The following ADAMTSL1 variants were observed in gnomAD, a reference collection of about 807,000 sequenced individuals.
The protein encoded by ADAMTSL1 is ADAMTS-like protein 1.
ADAMTSL1 carries 126 observed loss-of-function variants against 201.8 expected under a neutral mutation model. That is an observed-to-expected ratio of 0.62 (90% CI 0.54 to 0.72). The LOEUF (loss-of-function observed/expected upper bound fraction) is 0.72, where lower values mean the gene tolerates loss of function less well. Among genes scored for constraint, ADAMTSL1 ranks in the 30% least tolerant of loss-of-function variants. The pLI is 0.00. For synonymous variants in ADAMTSL1, 1,121 were observed against 903.4 expected (o/e 1.24, Z -4.32); for missense variants, 2,679 against 2,277.8 (o/e 1.18, Z -3.59).
intron 21 of ADAMTSL1, among the ~76,000 whole-genome samples, chr9:18,823,216 T>G (rs1183735510): frequency 6.6e-6 from 1 of 152,164 alleles, no homozygotes; most frequent in African/African-American, 2.4e-5. Flanking sequence ...GCCAGTAGAT[T>G]AAAGAATGAT....
chr9:18,871,190 T>G (rs1474899030), intron 23 of ADAMTSL1, among the ~76,000 whole-genome samples: 1 of 152,230 alleles, frequency 6.6e-6, no homozygotes, highest in African/African-American at 2.4e-5. Flanking sequence ...CCTTCTATAT[T>G]ACCAGAGGTG....
chr9:18,528,141 G>A (rs917691361), intron 2 of ADAMTSL1, among the ~76,000 whole-genome samples: 3 of 152,158 alleles, frequency 2.0e-5, no homozygotes, highest in Non-Finnish European at 4.4e-5. Flanking sequence ...GCCGCCCAAA[G>A]TGCTGGGATT....
At chr9:18,740,743 C>A (rs2133547065) in intron 15 of ADAMTSL1, among the ~76,000 whole-genome samples, 1 of 152,228 alleles carries the variant, frequency 6.6e-6, no homozygotes, top group Admixed American at 6.5e-5. Flanking sequence ...TCCCAAATTG[C>A]TAGTATTACA....
At chr9:18,087,728 T>A (rs1269559569) in intron 1 of ADAMTSL1, among the ~76,000 whole-genome samples, 1 of 152,194 alleles carries the variant, frequency 6.6e-6, no homozygotes, top group Admixed American at 6.5e-5. Context: ...ATGATTTTTC[T>A]GTAAAAAGAA....
At chr9:18,335,409 A>G (rs1428586538) in intron 2 of ADAMTSL1, among the ~76,000 whole-genome samples, 1 of 152,110 alleles carries the variant, frequency 6.6e-6, no homozygotes, top group South Asian at 2.1e-4. Flanking sequence ...TTTACCAACA[A>G]CCAACCTACT....
intron 1 of ADAMTSL1, among the ~76,000 whole-genome samples, chr9:17,929,139 C>G (rs538922828): frequency 5.3e-5 from 8 of 152,156 alleles, no homozygotes; most frequent in African/African-American, 1.9e-4. Context: ...AATATAAAAA[C>G]TTTTAAAACA....
At chr9:18,532,278 T>C (rs1191423940) in intron 2 of ADAMTSL1, among the ~76,000 whole-genome samples, 3 of 152,124 alleles carry the variant, frequency 2.0e-5, no homozygotes, top group Non-Finnish European at 4.4e-5. Flanking sequence ...GGTACAACTT[T>C]TATGGAGTGC....
intron 2 of ADAMTSL1, among the ~76,000 whole-genome samples, chr9:18,267,253 G>A (rs948815757): frequency 3.3e-5 from 5 of 152,126 alleles, no homozygotes; most frequent in African/African-American, 9.7e-5. Context: ...AATATAGTCA[G>A]TCATGCAACG....
intron 3 of ADAMTSL1, among the ~76,000 whole-genome samples, chr9:18,569,889 A>G (rs1399469921): frequency 1.3e-5 from 2 of 152,172 alleles, no homozygotes; most frequent in African/African-American, 2.4e-5. Flanking sequence ...CCCACATTAT[A>G]TATATTTAGT....
chr9:18,099,428 T>C (rs1254646143), intron 1 of ADAMTSL1, among the ~76,000 whole-genome samples: 3 of 145,362 alleles, frequency 2.1e-5, no homozygotes, highest in African/African-American at 7.6e-5. Context: ...TGGAGGTTCA[T>C]ATTCTCAGAT....
At chr9:18,729,669 A>T (rs1588000755) in intron 15 of ADAMTSL1, among the ~76,000 whole-genome samples, 1 of 152,168 alleles carries the variant, frequency 6.6e-6, no homozygotes, top group East Asian at 1.9e-4. Flanking sequence ...CATTGTGCCA[A>T]GCATTGTGTG....
At chr9:18,161,734 G>C (rs1321721025) in intron 1 of ADAMTSL1, among the ~76,000 whole-genome samples, 2 of 152,030 alleles carry the variant, frequency 1.3e-5, no homozygotes, top group African/African-American at 4.8e-5. Context: ...GTCAAGACAG[G>C]CTTTGGAGTA....
intron 1 of ADAMTSL1, among the ~76,000 whole-genome samples, chr9:18,137,299 A>C (rs1222449954): frequency 6.6e-6 from 1 of 152,198 alleles, no homozygotes; most frequent in Non-Finnish European, 1.5e-5. Flanking sequence ...AATATAAATG[A>C]CTTTATTTTT....
intron 2 of ADAMTSL1, among the ~76,000 whole-genome samples, chr9:18,410,843 C>CTTTTTTTTTTTTTTTTTTT: frequency 9.0e-6 from 1 of 110,668 alleles, no homozygotes; most frequent in African/African-American, 3.5e-5. Flanking sequence ...CTGTCTTCTT[C>CTTTTTTTTTTTTTTTTTTT]TTCTTTTTTT....
At chr9:17,926,767 C>T (rs964601421) in intron 1 of ADAMTSL1, among the ~76,000 whole-genome samples, 12 of 152,112 alleles carry the variant, frequency 7.9e-5, no homozygotes, top group African/African-American at 2.9e-4. Flanking sequence ...TTTCAGATTT[C>T]CAAGGTGTGG....
chr9:18,779,294 A>T (rs1476466509), intron 19 of ADAMTSL1, among the ~76,000 whole-genome samples: 1 of 152,166 alleles, frequency 6.6e-6, no homozygotes, highest in Non-Finnish European at 1.5e-5. Flanking sequence ...TGCACACATC[A>T]TTTTTTGCCT....
intron 2 of ADAMTSL1, among the ~76,000 whole-genome samples, chr9:18,287,335 G>T (rs934218852): frequency 6.6e-6 from 1 of 151,238 alleles, no homozygotes; most frequent in African/African-American, 2.4e-5. Flanking sequence ...ACACACACAC[G>T]TGTGTGTATA....
At chr9:18,697,598 T>G (rs370741566) in intron 13 of ADAMTSL1, among the ~76,000 whole-genome samples, 17 of 152,332 alleles carry the variant, frequency 1.1e-4, no homozygotes, top group Admixed American at 9.8e-4. Flanking sequence ...CATGTAAGTG[T>G]AATGTTCACT....
intron 2 of ADAMTSL1, among the ~76,000 whole-genome samples, chr9:18,182,907 C>T (rs557874554): frequency 6.6e-6 from 1 of 152,254 alleles, no homozygotes; most frequent in Non-Finnish European, 1.5e-5. Flanking sequence ...CATGGACTCT[C>T]ATTTACAAGT....
Sources: allele counts gnomAD v4.1 joint callset (sites outside exome capture counted in the v4.1 genomes callset), GRCh38; gene constraint gnomAD v4.1.1; transcripts MANE v1.5; gene names NCBI Gene and HGNC (gene_info 2026-07-23, HGNC 2026-07-21).